DISC1: variants seen among roughly 807,000 people sequenced by gnomAD.
DISC1 encodes the protein disrupted in schizophrenia 1 protein.
DISC1 carries 57 observed loss-of-function variants against 84.5 expected under a neutral mutation model. The ratio of observed to expected loss-of-function variants is 0.67; its 90% confidence interval spans 0.55 to 0.84. The LOEUF is 0.84. DISC1 is among the 40% of genes least tolerant of loss of function. The pLI is 0.00. For synonymous variants in DISC1, 411 were observed against 415.2 expected, an observed-to-expected ratio of 0.99 and a Z score of 0.12; for missense variants, 1,000 against 1,057.8, an observed-to-expected ratio of 0.95 and a Z score of 0.76.
At chr1:231,673,381 A>G (rs2062813512) in intron 1 of DISC1, among the ~76,000 whole-genome samples, 2 of 151,692 alleles carry the variant, frequency 1.3e-5, no homozygotes, top group Admixed American at 6.6e-5. Context: ...GTGGCTATTC[A>G]TAGGTTTATC....
Position 231,803,028 on chromosome 1 carries a change from T to C in DISC1, c.1792+2818T>C, listed in dbSNP as rs997428139. Among the ~76,000 whole-genome samples the C allele has an allele frequency of 5.9e-5, 9 of 152,264 alleles. No individual in the cohort carries two copies. In the South Asian group the frequency reaches 1.0e-3, roughly 18 times the overall value. ...CTACTGCTGCCTAATAAAAAATAAG[T>C]CACTTTAAGACGTAGTGACTTAAAA... On this transcript the variant is annotated intron_variant, in intron 8 of 12. Coordinates refer to ENST00000439617, the MANE Select transcript of DISC1 (RefSeq NM_018662.3).
chr1:231,966,925 G>C (rs539565157), intron 10 of DISC1, among the ~76,000 whole-genome samples: 4 of 152,238 alleles, frequency 2.6e-5, no homozygotes, highest in African/African-American at 9.6e-5. Flanking sequence ...ACTCTGTTTT[G>C]AACATAGAAG....
intron 9 of DISC1, among the ~76,000 whole-genome samples, chr1:231,852,817 T>C (rs1194296749): frequency 6.6e-6 from 1 of 152,224 alleles, no homozygotes; most frequent in African/African-American, 2.4e-5. Context: ...AGACTGTAAA[T>C]GATATTGAGT....
intron 9 of DISC1, among the ~76,000 whole-genome samples, chr1:231,939,810 T>G (rs1228314657): frequency 6.6e-6 from 1 of 152,060 alleles, no homozygotes; most frequent in Non-Finnish European, 1.5e-5. Flanking sequence ...TGGCGCGATC[T>G]CAGCTCACCG....
At chr1:231,870,039 G>A (rs544022006) in intron 9 of DISC1, among the ~76,000 whole-genome samples, 1 of 152,302 alleles carries the variant, frequency 6.6e-6, no homozygotes, top group Non-Finnish European at 1.5e-5. Context: ...AGTGGTTATA[G>A]GAGATCTGAG....
intron 1 of DISC1, among the ~76,000 whole-genome samples, chr1:231,669,214 G>A (rs1448566256): frequency 6.6e-6 from 1 of 152,080 alleles, no homozygotes; most frequent in Non-Finnish European, 1.5e-5. Flanking sequence ...GAACACTTAG[G>A]TCCTTAGATG....
chr1:231,723,431 A>G (rs2070159397), intron 3 of DISC1: 1 of 985,542 alleles, frequency 1.0e-6, no homozygotes, highest in Non-Finnish European at 1.2e-6. Context: ...GATCAGGTGC[A>G]CTGGCTACGA....
chr1:232,026,446 C>G lies in DISC1; in HGVS notation c.2319C>G (p.Ile773Met), dbSNP rs773951758. Residue 773 changes from isoleucine to methionine, a missense_variant, in exon 12 of 13, where the codon ATC (isoleucine) becomes ATG (methionine). Physicochemically the swap from Ile to Met is conservative, Grantham distance 10. Around this residue, in one of 3 missense-constraint regions of DISC1, gnomAD observed 397 missense variants for 377.5 expected, o/e 1.05. Coordinates refer to ENST00000439617, the MANE Select transcript of DISC1 (RefSeq NM_018662.3). ...AGGEQKEESY[I>M]LSAELGEKCE... ...CCCCCTCTCGCCAGGAATCTTACAT[C>G]CTTTCTGCAGAACTTGGAGAAAAGT... 2 of 1,602,630 alleles carry G rather than the reference C, an allele frequency of 1.2e-6. No individual in the cohort carries two copies. Among genetic ancestry groups the G allele is most frequent in the Non-Finnish European group, 8.5e-7 (1 of 1,173,984 alleles).
chr1:232,018,997 A>G (rs1393600385), intron 11 of DISC1, among the ~76,000 whole-genome samples: 2 of 152,206 alleles, frequency 1.3e-5, no homozygotes, highest in Non-Finnish European at 2.9e-5. Context: ...GAAAAACAGC[A>G]TAGCTTCTTC....
chr1:231,754,401 G>A (rs2074921572), intron 4 of DISC1, among the ~76,000 whole-genome samples: 1 of 152,174 alleles, frequency 6.6e-6, no homozygotes. Context: ...GGTGAAGGGG[G>A]AGCTAGCATA....
At chr1:231,785,580 C>T (rs532854000) in intron 6 of DISC1, among the ~76,000 whole-genome samples, 1 of 152,200 alleles carries the variant, frequency 6.6e-6, no homozygotes, top group South Asian at 2.1e-4. Flanking sequence ...AGACGTGATC[C>T]ACCATACCTG....
At chr1:231,979,603 A>G (rs1181388245) in intron 10 of DISC1, among the ~76,000 whole-genome samples, 2 of 151,184 alleles carry the variant, frequency 1.3e-5, no homozygotes, top group African/African-American at 2.4e-5. Context: ...AATGACATAT[A>G]TATATATATA....
chr1:231,819,203 A>G (rs1397154775), intron 9 of DISC1: 1 of 865,016 alleles, frequency 1.2e-6, no homozygotes, highest in Non-Finnish European at 1.4e-6. Context: ...ATTTACTAAA[A>G]CAAATGAAAG....
At chr1:231,847,126 G>A (rs939002488) in intron 9 of DISC1, among the ~76,000 whole-genome samples, 2 of 152,172 alleles carry the variant, frequency 1.3e-5, no homozygotes, top group African/African-American at 2.4e-5. Context: ...CTGGAAGTTC[G>A]AGATCAAGGT....
At chr1:231,942,968 G>A (rs1403252739) in intron 9 of DISC1, among the ~76,000 whole-genome samples, 5 of 152,230 alleles carry the variant, frequency 3.3e-5, no homozygotes, top group Admixed American at 1.3e-4. Flanking sequence ...TGTCATGCTC[G>A]TAGCTAAGAA....
At chr1:232,025,287 T>A (rs1572675435) in intron 11 of DISC1, among the ~76,000 whole-genome samples, 1 of 152,138 alleles carries the variant, frequency 6.6e-6, no homozygotes, top group African/African-American at 2.4e-5. Context: ...ACGGGGTTAG[T>A]CCTATTGGCA....
rs145275977 is a variant in DISC1 at position 231,864,390 on chromosome 1, G to A, written c.1981+45873G>A. On this transcript the variant is annotated intron_variant, in intron 9 of 12. Transcript: ENST00000439617. Reference sequence around the variant, plus strand: ...GAAAACCTGAGGGGGTGGGCCGGGCGCAGTGGCTCACGCCTGTAATCCCAG... The same window carrying A: ...GAAAACCTGAGGGGGTGGGCCGGGCACAGTGGCTCACGCCTGTAATCCCAG... Among the ~76,000 whole-genome samples, 1,479 of 152,252 alleles carry A rather than the reference G, an allele frequency of 9.7e-3. 15 individuals carry two copies. The highest frequency in any genetic ancestry group is 0.013 in the Non-Finnish European group (887 of 68,018).
chr1:231,795,199 G>A (rs1288775638), intron 6 of DISC1, 43 bp from the exon 7 acceptor site: 2 of 1,582,506 alleles, frequency 1.3e-6, no homozygotes, highest in Non-Finnish European at 1.7e-6. Context: ...GTATTGAATT[G>A]TGGTTACCAA....
At chr1:231,957,025 G>C (rs537882097) in intron 9 of DISC1, among the ~76,000 whole-genome samples, 1 of 152,334 alleles carries the variant, frequency 6.6e-6, no homozygotes, top group East Asian at 1.9e-4. Context: ...CAAGAAGAGG[G>C]AAATAGTCTT....
Sources: allele counts gnomAD v4.1 joint callset (sites outside exome capture counted in the v4.1 genomes callset), GRCh38; gene constraint gnomAD v4.1.1; regional missense constraint gnomAD v4.1.1; transcripts MANE v1.5; gene names NCBI Gene and HGNC (gene_info 2026-07-23, HGNC 2026-07-21).